Variants in APLF observed in about 807,000 individuals in gnomAD.
The protein encoded by APLF is aprataxin and PNKP like factor.
In APLF, 61 loss-of-function variants were observed where a neutral mutation model predicts 55.6. The observed-to-expected ratio is 1.10, with a 90% CI of 0.89 to 1.36. APLF has a LOEUF of 1.36. APLF is among the 40% of genes most tolerant of loss of function. The pLI is 0.00. For missense variants in APLF, 611 were observed against 602.5 expected, an observed-to-expected ratio of 1.01 and a Z score of -0.15; for synonymous variants, 207 against 214.8, an observed-to-expected ratio of 0.96 and a Z score of 0.32.
At chr2:68,519,799 A>T (rs952860931) in intron 5 of APLF, among the ~76,000 whole-genome samples, 2 of 151,494 alleles carry the variant, frequency 1.3e-5, no homozygotes, top group Admixed American at 1.3e-4. Flanking sequence ...TGTCTTTTTC[A>T]TGTAATGACT....
At chr2:68,492,293 A>G (rs999873516) in intron 2 of APLF, among the ~76,000 whole-genome samples, 1 of 152,102 alleles carries the variant, frequency 6.6e-6, no homozygotes, top group Non-Finnish European at 1.5e-5. Context: ...CCTGGCTAAC[A>G]CGGTGAAACG....
chr2:68,568,254 A>G (rs1055085998), intron 9 of APLF: 1 of 985,094 alleles, frequency 1.0e-6, no homozygotes, highest in Non-Finnish European at 1.2e-6. Context: ...TCAGCGCATA[A>G]TATTTCTGCT....
intron 3 of APLF, among the ~76,000 whole-genome samples, 155 bp downstream of exon 3, chr2:68,503,058 ATG>A (rs1291499007): frequency 6.6e-6 from 1 of 152,044 alleles, no homozygotes; most frequent in Non-Finnish European, 1.5e-5. Flanking sequence ...ATGCCTTTGC[ATG>A]TGTGTGTGTT....
At chr2:68,531,760 G>A (rs1198358524) in intron 6 of APLF, among the ~76,000 whole-genome samples, 5 of 152,150 alleles carry the variant, frequency 3.3e-5, no homozygotes, top group South Asian at 2.1e-4. Context: ...TGTAGTATAC[G>A]TGTTTTCCTC....
At chr2:68,514,828 C>T (rs6743106) in intron 5 of APLF, among the ~76,000 whole-genome samples, 15,622 of 151,836 alleles carry the variant, frequency 0.1, 2,385 homozygotes, top group African/African-American at 0.33. Flanking sequence ...AACCTTGACA[C>T]TTCTCCAACT....
intron 5 of APLF, among the ~76,000 whole-genome samples, chr2:68,518,365 T>C (rs1191691970): frequency 1.8e-5 from 2 of 110,680 alleles, no homozygotes; most frequent in Non-Finnish European, 3.3e-5. Flanking sequence ...TAGCAATATA[T>C]TAATATATGA....
intron 6 of APLF, among the ~76,000 whole-genome samples, 156 bp from the exon 7 acceptor site, chr2:68,537,716 G>A (rs1194815756): frequency 6.6e-6 from 1 of 152,128 alleles, no homozygotes; most frequent in African/African-American, 2.4e-5. Flanking sequence ...ATTAAACTAA[G>A]CGCATAGAAA....
At chr2:68,516,614 A>G (rs949730310) in intron 5 of APLF, among the ~76,000 whole-genome samples, 11 of 150,454 alleles carry the variant, frequency 7.3e-5, no homozygotes, top group African/African-American at 2.7e-4. Context: ...CAAGCCCTCA[A>G]AGTCTGTGGC....
At chr2:68,558,063 A>T (rs577042342) in intron 8 of APLF, among the ~76,000 whole-genome samples, 1 of 152,288 alleles carries the variant, frequency 6.6e-6, no homozygotes, top group South Asian at 2.1e-4. Flanking sequence ...CTTAAATATT[A>T]ATCACTTGCT....
chr2:68,495,428 C>T (rs1035522916), intron 2 of APLF, among the ~76,000 whole-genome samples: 1 of 152,222 alleles, frequency 6.6e-6, no homozygotes, highest in African/African-American at 2.4e-5. Flanking sequence ...CCAAAGTAAT[C>T]TTTGACTCTG....
At chr2:68,549,793 A>T (rs909403847) in intron 8 of APLF, among the ~76,000 whole-genome samples, 1 of 152,110 alleles carries the variant, frequency 6.6e-6, no homozygotes, top group Admixed American at 6.6e-5. Flanking sequence ...TCTCTGCTTA[A>T]TTCTGTCAGT....
chr2:68,538,835 A>G (rs183789490), intron 7 of APLF, among the ~76,000 whole-genome samples: 2 of 152,314 alleles, frequency 1.3e-5, no homozygotes, highest in East Asian at 1.9e-4. Flanking sequence ...TTATAATTAC[A>G]TAACCCTATT....
chr2:68,478,037 G>C (rs1308964724), intron 1 of APLF, among the ~76,000 whole-genome samples: 1 of 151,546 alleles, frequency 6.6e-6, no homozygotes, highest in African/African-American at 2.4e-5. Context: ...CATGAGTCTT[G>C]TATTTTTTTA....
intron 2 of APLF, among the ~76,000 whole-genome samples, chr2:68,498,537 A>T (rs998666676): frequency 1.3e-5 from 2 of 152,244 alleles, no homozygotes; most frequent in African/African-American, 4.8e-5. Context: ...CCTACAAAAA[A>T]TGCTGTAGCT....
chr2:68,527,472 C>T (rs1201567292), intron 6 of APLF, among the ~76,000 whole-genome samples: 14 of 142,778 alleles, frequency 9.8e-5, no homozygotes, highest in Non-Finnish European at 1.4e-4. Context: ...CGGGCAGAGG[C>T]GGTGCTCCTC....
rs1353084750 is a variant in APLF, at chr2:68,537,998, A to G, written c.931A>G (p.Thr311Ala). The change falls in exon 7 of 10, where the codon ACT (threonine) becomes GCT (alanine). Residue 311 changes from threonine (T) to alanine (A), a missense_variant. Physicochemically the swap from Thr to Ala is moderately conservative, Grantham distance 58 (BLOSUM62 0). Coordinates refer to ENST00000303795, the MANE Select transcript of APLF (RefSeq NM_173545.3). Reference protein sequence around the residue: ...LGKVSKHKIATKRTPHKEDEA... With the variant: ...LGKVSKHKIAAKRTPHKEDEA... ...TAAAGTTTCTAAACATAAAATTGCC[A>G]CTAAAAGAACACCACATAAAGAAGA... is the stretch of plus-strand genomic sequence containing the variant. The G allele has an allele frequency of 1.2e-6, 2 of 1,613,100 alleles. No individual in the cohort carries two copies. The highest frequency in any genetic ancestry group is 1.7e-6 in the Non-Finnish European group (2 of 1,179,566).
intron 5 of APLF, among the ~76,000 whole-genome samples, chr2:68,516,408 G>C (rs1290715553): frequency 6.6e-6 from 1 of 151,194 alleles, no homozygotes; most frequent in African/African-American, 2.4e-5. Context: ...AGCCAATACA[G>C]TTTATTATTA....
intron 1 of APLF, among the ~76,000 whole-genome samples, chr2:68,488,190 G>C (rs961902789): frequency 2.0e-5 from 3 of 152,030 alleles, no homozygotes; most frequent in Non-Finnish European, 4.4e-5. Context: ...AAATTGGTTC[G>C]TAGTATGGAA....
intron 7 of APLF, among the ~76,000 whole-genome samples, chr2:68,539,398 C>T (rs1440906794): frequency 3.3e-5 from 5 of 152,212 alleles, no homozygotes; most frequent in African/African-American, 7.2e-5. Flanking sequence ...TCTTGGCTTG[C>T]AGACTGCCAC....
Sources: gnomAD v4.1 joint callset for allele counts (sites outside exome capture counted in the v4.1 genomes callset) on GRCh38, gnomAD v4.1.1 for gene constraint, MANE v1.5 for transcripts, NCBI Gene and HGNC (gene_info 2026-07-23, HGNC 2026-07-21) for gene names.